Variants in CLVS1 observed in about 807,000 individuals in gnomAD.
CLVS1 encodes clavesin-1.
CLVS1 carries 10 observed loss-of-function variants against 33.1 expected under a neutral mutation model. The observed-to-expected ratio is 0.30, with a 90% CI of 0.19 to 0.51. The LOEUF (loss-of-function observed/expected upper bound fraction) is 0.51, where lower values mean the gene tolerates loss of function less well. CLVS1 is among the 20% of genes least tolerant of loss of function. The pLI, the probability that CLVS1 is intolerant of heterozygous loss-of-function variation, is 0.97. For missense variants in CLVS1, 343 were observed against 433.4 expected, an observed-to-expected ratio of 0.79 and a Z score of 1.85; for synonymous variants, 163 against 166.1, an observed-to-expected ratio of 0.98 and a Z score of 0.14.
the CLVS1 span, among the ~76,000 whole-genome samples, chr8:61,049,129 C>A: frequency 6.6e-6 from 1 of 152,146 alleles, no homozygotes; most frequent in Non-Finnish European, 1.5e-5. Flanking sequence ...GTATAGCCTG[C>A]TGAATTTTCA....
intron 1 of CLVS1, among the ~76,000 whole-genome samples, chr8:61,059,406 T>C (rs950647765): frequency 6.1e-5 from 9 of 147,860 alleles, no homozygotes; most frequent in African/African-American, 1.7e-4. Context: ...TGTTGAGTGT[T>C]CTTTATACAT....
At chr8:61,201,814 GA>G (rs1435252677) in intron 2 of CLVS1, among the ~76,000 whole-genome samples, 4 of 152,158 alleles carry the variant, frequency 2.6e-5, no homozygotes, top group Admixed American at 2.0e-4. Flanking sequence ...AATAGCACTA[GA>G]ACATAAATTT....
the CLVS1 span, among the ~76,000 whole-genome samples, chr8:60,986,966 G>A: frequency 6.6e-6 from 1 of 152,214 alleles, no homozygotes; most frequent in East Asian, 1.9e-4. Flanking sequence ...TGAGTTCACT[G>A]TAGTTTAACC....
chr8:61,278,219 A>G (rs1478519498), intron 2 of CLVS1, among the ~76,000 whole-genome samples: 1 of 152,340 alleles, frequency 6.6e-6, no homozygotes, highest in East Asian at 1.9e-4. Flanking sequence ...GATCTCCCAC[A>G]ATAAACATAG....
chr8:61,017,110 G>A, the CLVS1 span, among the ~76,000 whole-genome samples: 1 of 152,202 alleles, frequency 6.6e-6, no homozygotes, highest in Non-Finnish European at 1.5e-5. Context: ...CATCACATTA[G>A]GCCAGGGCTG....
At chr8:61,344,535 G>A (rs1490929876) in intron 2 of CLVS1, among the ~76,000 whole-genome samples, 3 of 152,146 alleles carry the variant, frequency 2.0e-5, no homozygotes, top group Admixed American at 6.5e-5. Flanking sequence ...GAGTAATCTG[G>A]TTCTACTGGA....
intron 2 of CLVS1, among the ~76,000 whole-genome samples, chr8:61,272,379 G>A (rs1809460042): frequency 6.6e-6 from 1 of 152,128 alleles, no homozygotes; most frequent in Non-Finnish European, 1.5e-5. Context: ...AGTCTGATGG[G>A]CTTCCCTTTG....
chr8:61,221,510 A>G (rs538304846), intron 2 of CLVS1, among the ~76,000 whole-genome samples: 89 of 152,202 alleles, frequency 5.8e-4, no homozygotes, highest in African/African-American at 1.8e-3. Context: ...TATGTTGAAT[A>G]AGCCTTGATC....
chr8:61,024,447 G>T, the CLVS1 span, among the ~76,000 whole-genome samples: 3 of 152,168 alleles, frequency 2.0e-5, no homozygotes, highest in Non-Finnish European at 4.4e-5. Context: ...AAAGTTCCAT[G>T]AGTGTGACAC....
intron 2 of CLVS1, among the ~76,000 whole-genome samples, chr8:61,175,794 C>T (rs939742437): frequency 2.0e-5 from 3 of 152,142 alleles, no homozygotes; most frequent in Non-Finnish European, 2.9e-5. Context: ...AGACTTCTAG[C>T]CTTCAAATTG....
intron 2 of CLVS1, among the ~76,000 whole-genome samples, chr8:61,153,756 C>T (rs930909074): frequency 6.6e-6 from 1 of 152,010 alleles, no homozygotes; most frequent in Admixed American, 6.6e-5. Flanking sequence ...GTGTTCGCTG[C>T]CATCTGTCCC....
At chr8:61,294,062 C>T in intron 1 of CLVS1, among the ~76,000 whole-genome samples, 1 of 152,050 alleles carries the variant, frequency 6.6e-6, no homozygotes, top group East Asian at 1.9e-4. Flanking sequence ...CAACAATATT[C>T]TATTTCCTCC....
chr8:60,996,018 G>C, the CLVS1 span, among the ~76,000 whole-genome samples: 9 of 152,300 alleles, frequency 5.9e-5, no homozygotes, highest in African/African-American at 1.4e-4. Flanking sequence ...GTTGTGGAGT[G>C]GGGGTAGGGG....
At chr8:61,128,480 T>C (rs565377231) in intron 1 of CLVS1, among the ~76,000 whole-genome samples, 36 of 152,236 alleles carry the variant, frequency 2.4e-4, no homozygotes, top group Non-Finnish European at 5.0e-4. Flanking sequence ...ATCTTTTTCT[T>C]TCTAACAATC....
At chr8:61,143,527 T>C (rs1806351153) in intron 2 of CLVS1, among the ~76,000 whole-genome samples, 1 of 152,052 alleles carries the variant, frequency 6.6e-6, no homozygotes, top group South Asian at 2.1e-4. Context: ...AGCAAACACC[T>C]ATTCCCACCC....
intron 2 of CLVS1, among the ~76,000 whole-genome samples, chr8:61,326,781 A>T (rs1441038668): frequency 6.6e-6 from 1 of 152,222 alleles, no homozygotes; most frequent in Admixed American, 6.6e-5. Context: ...GAAGGAGAAC[A>T]AAAGAATAAT....
At chr8:61,349,784 A>T (rs1812371937) in intron 2 of CLVS1, among the ~76,000 whole-genome samples, 2 of 152,116 alleles carry the variant, frequency 1.3e-5, no homozygotes, top group Non-Finnish European at 2.9e-5. Context: ...ATAAGGCTTC[A>T]TAAATGGAAG....
intron 2 of CLVS1, among the ~76,000 whole-genome samples, chr8:61,229,789 C>G (rs1038362877): frequency 6.6e-6 from 1 of 152,190 alleles, no homozygotes. Flanking sequence ...TGCCACCATG[C>G]CTGGTTAATT....
chr8:61,440,862 C>T (rs1234078227), intron 3 of CLVS1, among the ~76,000 whole-genome samples: 1 of 152,172 alleles, frequency 6.6e-6, no homozygotes, highest in Non-Finnish European at 1.5e-5. Flanking sequence ...TAAGAAAATC[C>T]ATTGCCTATT....
Sources: allele counts gnomAD v4.1 joint callset (sites outside exome capture counted in the v4.1 genomes callset), GRCh38; gene constraint gnomAD v4.1.1; transcripts MANE v1.5; gene names NCBI Gene and HGNC (gene_info 2026-07-23, HGNC 2026-07-21).